PPP1R14C: variants seen among roughly 807,000 people sequenced by gnomAD.
The protein encoded by PPP1R14C is protein phosphatase 1 regulatory inhibitor subunit 14C.
PPP1R14C carries 16 observed loss-of-function variants against 20.4 expected under a neutral mutation model. The ratio of observed to expected loss-of-function variants is 0.78; its 90% confidence interval spans 0.53 to 1.19. The LOEUF (loss-of-function observed/expected upper bound fraction) is 1.19. Among genes scored for constraint, PPP1R14C ranks in the 50% most tolerant of loss-of-function variants. The probability of loss-of-function intolerance (pLI) is 0.00; values close to 1 mark genes in which losing one functional copy is unlikely to be tolerated. For missense variants in PPP1R14C, 211 were observed against 220.1 expected (o/e 0.96, Z 0.26); for synonymous variants, 91 against 91.0 (o/e 1.00, Z 0.00).
At chr6:150,218,485 CA>C (rs137954748) in intron 3 of PPP1R14C, among the ~76,000 whole-genome samples, 30,651 of 125,312 alleles carry the variant, frequency 0.24, 4,209 homozygotes, top group East Asian at 0.36. Flanking sequence ...CCCCCCCCCC[CA>C]AAAAAAAATT....
At position 150,249,210 on chromosome 6, in the gene PPP1R14C, G is replaced by C. The variant is rs1778532498; in HGVS notation, c.*390G>C. 1 of 399,034 alleles carries C rather than the reference G, an allele frequency of 2.5e-6. No homozygotes were observed. Among genetic ancestry groups the C allele is most frequent in the Non-Finnish European group, 4.4e-6 (1 of 226,820 alleles). The allele number at this position is 399,034 out of a possible 1,614,324, so 24.7% of individuals were successfully genotyped here. A position where few individuals can be genotyped will look rare whatever the true frequency, so the allele number is the denominator to read the frequency against. On this transcript the variant is annotated 3_prime_UTR_variant, in exon 4 of 4. Coordinates refer to ENST00000361131, the MANE Select transcript of PPP1R14C (RefSeq NM_030949.3). Reference sequence around the variant, plus strand: ...AGTTTGGTAATATTTTTTTTCTTAAGTTGTACATTTGACTCAGCTGTCAAA... The same window carrying C: ...AGTTTGGTAATATTTTTTTTCTTAACTTGTACATTTGACTCAGCTGTCAAA...
At chr6:150,214,954 C>G (rs1778072396) in intron 2 of PPP1R14C, 127 bp downstream of exon 2, 1 of 657,176 alleles carries the variant, frequency 1.5e-6, no homozygotes, top group Non-Finnish European at 2.6e-6. Flanking sequence ...GGGCCATTTG[C>G]AGAGAGGAAA....
chr6:150,242,235 C>A (rs1778440770), intron 3 of PPP1R14C, among the ~76,000 whole-genome samples: 1 of 136,100 alleles, frequency 7.3e-6, no homozygotes, highest in African/African-American at 2.9e-5. Context: ...TAAACTCTTC[C>A]AGAAACTTGA....
chr6:150,222,968 C>T (rs531422008), intron 3 of PPP1R14C, among the ~76,000 whole-genome samples: 2 of 152,010 alleles, frequency 1.3e-5, no homozygotes, highest in African/African-American at 4.8e-5. Flanking sequence ...TGGGTTTCAC[C>T]ATGTTGGCAA....
At chr6:150,228,036 A>G (rs1382771567) in intron 3 of PPP1R14C, among the ~76,000 whole-genome samples, 2 of 152,232 alleles carry the variant, frequency 1.3e-5, no homozygotes, top group Non-Finnish European at 2.9e-5. Flanking sequence ...TCCAAATCCT[A>G]TGCTCTGTCA....
chr6:150,219,352 C>G (rs1778138963), intron 3 of PPP1R14C, among the ~76,000 whole-genome samples: 1 of 151,972 alleles, frequency 6.6e-6, no homozygotes, highest in South Asian at 2.1e-4. Flanking sequence ...CTTCAGCCTC[C>G]TGAGTAGCTG....
intron 3 of PPP1R14C, among the ~76,000 whole-genome samples, chr6:150,231,268 A>G (rs9479992): frequency 0.043 from 6,587 of 152,262 alleles, 469 homozygotes; most frequent in African/African-American, 0.15. Context: ...TCAGTTTTCC[A>G]AGCTCCCTGG....
rs544799500 is a variant in PPP1R14C at position 150,243,006 on chromosome 6, C to T, written c.424-5740C>T. 7.9e-5 allele frequency among the ~76,000 whole-genome samples: 12 copies of T among 151,946 alleles called. No homozygotes were observed. The South Asian group carries it at 2.1e-3, about 26-fold the overall frequency. ...TATTTGTACACTGGAAATTATAAAC[C>T]ATTGCTGAGATAAGTTAGTTCTTAA... On this transcript the variant is annotated intron_variant, in intron 3 of 3. Transcript: ENST00000361131.
At chr6:150,240,151 A>G (rs1562277843) in intron 3 of PPP1R14C, among the ~76,000 whole-genome samples, 1 of 152,250 alleles carries the variant, frequency 6.6e-6, no homozygotes, top group Non-Finnish European at 1.5e-5. Context: ...ACTTGTAGCC[A>G]TAATGATAAA....
intron 1 of PPP1R14C, among the ~76,000 whole-genome samples, 191 bp from the exon 2 acceptor site, chr6:150,214,553 A>T (rs1582922097): frequency 7.7e-6 from 1 of 129,748 alleles, no homozygotes; most frequent in Non-Finnish European, 1.6e-5. Context: ...TCTCCTCTTT[A>T]CCCCTTCATC....
At position 150,231,943 on chromosome 6, in the gene PPP1R14C, A is replaced by G. The variant is rs532173998; in HGVS notation, c.423+15087A>G. ...TTATTATGAACAGTGGTGCAATAAA[A>G]TAACTATTATTGGCCTGTTGCCTTC... On this transcript the variant is annotated intron_variant, in intron 3 of 3. Coordinates refer to ENST00000361131, the MANE Select transcript of PPP1R14C (RefSeq NM_030949.3). Among the ~76,000 whole-genome samples, 7 of 152,346 alleles carry G rather than the reference A, an allele frequency of 4.6e-5. No homozygotes were observed. The South Asian group carries it at 1.2e-3, about 27-fold the overall frequency.
rs869244401 is a variant in PPP1R14C at position 150,149,455 on chromosome 6, C to CTTTTTTTT, written c.306+5973_306+5980dup. ...ATCCTCCCACCTAATTTTTTTTTTTCTTTTTTTTTTTTTTTTTTTTTTTGT... is the reference window on the plus strand; with the variant it reads ...ATCCTCCCACCTAATTTTTTTTTTTCTTTTTTTTTTTTTTTTTTTTTTTTTTTTTTTGT... On this transcript the variant is annotated intron_variant, in intron 1 of 3. Transcript: ENST00000361131. Among the ~76,000 whole-genome samples the CTTTTTTTT allele has an allele frequency of 1.3e-3, 47 of 35,468 alleles. 1 individual carries two copies. The highest frequency in any genetic ancestry group is 0.019 in the Middle Eastern group (1 of 52). 23.3% of individuals were successfully genotyped at this position (35,468 alleles called of 152,430 possible).
intron 1 of PPP1R14C, among the ~76,000 whole-genome samples, chr6:150,170,813 T>C (rs566619249): frequency 1.9e-3 from 289 of 150,826 alleles, no homozygotes; most frequent in Non-Finnish European, 3.3e-3. Flanking sequence ...GGAATTTGAA[T>C]TTTGTTCCTG....
At chr6:150,187,604 T>C (rs1379484188) in intron 1 of PPP1R14C, among the ~76,000 whole-genome samples, 1 of 152,204 alleles carries the variant, frequency 6.6e-6, no homozygotes, top group Non-Finnish European at 1.5e-5. Context: ...ACTCCATCCA[T>C]GTTTCTGCAG....
At chr6:150,207,192 G>A (rs1276768804) in intron 1 of PPP1R14C, among the ~76,000 whole-genome samples, 1 of 152,130 alleles carries the variant, frequency 6.6e-6, no homozygotes, top group East Asian at 1.9e-4. Flanking sequence ...AGGGCTTTGG[G>A]AGGACTTTGC....
chr6:150,183,739 C>T (rs1777647316), intron 1 of PPP1R14C, among the ~76,000 whole-genome samples: 1 of 152,112 alleles, frequency 6.6e-6, no homozygotes, highest in Non-Finnish European at 1.5e-5. Context: ...TCTTGAACTC[C>T]TGACCTCGTG....
At chr6:150,200,843 G>A (rs766723826) in intron 1 of PPP1R14C, among the ~76,000 whole-genome samples, 3 of 152,120 alleles carry the variant, frequency 2.0e-5, no homozygotes, top group Non-Finnish European at 2.9e-5. Flanking sequence ...GAAAGCTGTC[G>A]TCATCCTCTA....
At chr6:150,248,054 A>G (rs1778514864) in intron 3 of PPP1R14C, among the ~76,000 whole-genome samples, 3 of 152,170 alleles carry the variant, frequency 2.0e-5, no homozygotes, top group Non-Finnish European at 2.9e-5. Context: ...AGGTTGTCAC[A>G]TGGTGAGAGG....
At chr6:150,149,060 T>TA (rs1354030714) in intron 1 of PPP1R14C, among the ~76,000 whole-genome samples, 2 of 146,322 alleles carry the variant, frequency 1.4e-5, no homozygotes, top group African/African-American at 5.1e-5. Context: ...CTGCCTCAAA[T>TA]AAAAAGAAAA....
Sources: gnomAD v4.1 joint callset for allele counts (sites outside exome capture counted in the v4.1 genomes callset) on GRCh38, gnomAD v4.1.1 for gene constraint, MANE v1.5 for transcripts, NCBI Gene and HGNC (gene_info 2026-07-23, HGNC 2026-07-21) for gene names.